ADGRF3: variants seen among roughly 807,000 people sequenced by gnomAD.
ADGRF3 encodes the protein adhesion G protein-coupled receptor F3.
A neutral mutation model predicts 93.2 loss-of-function variants in ADGRF3; 85 were observed. That is an observed-to-expected ratio of 0.91 (90% confidence interval 0.77 to 1.09). The LOEUF (loss-of-function observed/expected upper bound fraction) is 1.09, where lower values mean the gene tolerates loss of function less well. ADGRF3 is among the 50% of genes least tolerant of loss of function. The pLI is 0.00. For missense variants in ADGRF3, 1,125 were observed against 1,246.2 expected, an observed-to-expected ratio of 0.90 and a Z score of 1.46; for synonymous variants, 534 against 532.5, an observed-to-expected ratio of 1.00 and a Z score of -0.04.
chr2:26,311,107 A>T lies in ADGRF3; in HGVS notation c.2417T>A (p.Phe806Tyr), dbSNP rs1186723174. The T allele has an allele frequency of 6.3e-7, 1 of 1,599,572 alleles. No homozygotes were observed. Among genetic ancestry groups the T allele is most frequent in the Non-Finnish European group, 8.5e-7 (1 of 1,173,380 alleles). Residue 806 changes from phenylalanine to tyrosine, a missense_variant, in exon 10 of 14, where the codon TTT becomes TAT. Transcript: ENST00000651242. Reference sequence around the variant, plus strand: ...AACTCGGTGCTTTGCCAGCTGGTGAAAGACAAAGAGCAGCTGGTGGGCCAA... The same window carrying T: ...AACTCGGTGCTTTGCCAGCTGGTGATAGACAAAGAGCAGCTGGTGGGCCAA... ...LVLAHQLLFV[F>Y]HQLAKHRVLP...
chr2:26,314,005 CAG>C (rs563066915), intron 6 of ADGRF3, 102 bp from the exon 7 acceptor site: 282 of 1,429,798 alleles, frequency 2.0e-4, no homozygotes, highest in Non-Finnish European at 2.6e-4. Context: ...AATTCAGAAA[CAG>C]AGGAAGCAGT....
At position 26,311,789 on chromosome 2, in the gene ADGRF3, G is replaced by A. The variant is rs1440629417; in HGVS notation, c.1735C>T (p.Arg579Cys). 4.3e-6 allele frequency: 7 copies of A among 1,613,786 alleles called. No homozygotes were observed. Among genetic ancestry groups the A allele is most frequent in the East Asian group, 2.2e-5 (1 of 44,880 alleles). The change falls in exon 10 of 14, where the codon CGT (arginine) becomes TGT (cysteine). Residue 579 changes from arginine to cysteine, a missense_variant. Physicochemically the swap from Arg to Cys is radical, Grantham distance 180 (BLOSUM62 -3). Coordinates refer to ENST00000651242, the MANE Select transcript of ADGRF3 (RefSeq NM_001321971.2). ...GTAATACTTATTTCAGTTCCATTAC[G>A]GACCAATGGGGCCAGTGAGTGCCTG... ...IPRHSLAPLV[R>C]NGTEISITSL...
chr2:26,334,288 CAA>C (rs34910544), intron 1 of ADGRF3, among the ~76,000 whole-genome samples: 18 of 110,442 alleles, frequency 1.6e-4, no homozygotes, highest in Non-Finnish European at 2.2e-4. Context: ...GCTATCATCT[CAA>C]AAAAAAAAAA....
chr2:26,328,445 G>A (rs960486825), intron 1 of ADGRF3, among the ~76,000 whole-genome samples: 2 of 143,466 alleles, frequency 1.4e-5, no homozygotes, highest in African/African-American at 2.5e-5. Flanking sequence ...CAACTATTAG[G>A]CCTTTTTAGT....
chr2:26,313,636 A>G (rs984251608), intron 7 of ADGRF3, 63 bp from the exon 8 acceptor site: 3 of 1,567,098 alleles, frequency 1.9e-6, no homozygotes, highest in Admixed American at 1.8e-5. Flanking sequence ...CTCCTTGGGC[A>G]GAACCCTATG....
Position 26,311,401 on chromosome 2 carries a change from A to G in ADGRF3, c.2123T>C (p.Val708Ala). The stretch of plus-strand genomic sequence containing the variant: ...CGCCAGTATGGAAGCTCCCAAGCCC[A>G]CTTGAGTCAGCAGCGCCAGAGCGGG... ...EEPALALLTQVGLGASILALL... is the reference protein window; with the variant it reads ...EEPALALLTQAGLGASILALL... The change falls in exon 10 of 14, where the codon GTG (valine) becomes GCG (alanine). Residue 708 changes from valine (V) to alanine (A), a missense_variant. Coordinates refer to ENST00000651242, the MANE Select transcript of ADGRF3 (RefSeq NM_001321971.2). 2 of 1,614,038 alleles carry G rather than the reference A, an allele frequency of 1.2e-6. No homozygotes were observed. The highest frequency in any genetic ancestry group is 1.3e-5 in the African/African-American group (1 of 75,062).
chr2:26,325,923 T>C (rs771585060), intron 1 of ADGRF3, among the ~76,000 whole-genome samples: 4 of 152,124 alleles, frequency 2.6e-5, no homozygotes, highest in Non-Finnish European at 5.9e-5. Flanking sequence ...AGATGACTAA[T>C]GTGAGTATAA....
chr2:26,317,782 C>T (rs904140591), intron 1 of ADGRF3, among the ~76,000 whole-genome samples: 2 of 152,376 alleles, frequency 1.3e-5, no homozygotes, highest in Admixed American at 6.5e-5. Flanking sequence ...GAACCAGGCA[C>T]GCCCTGGGAA....
rs944192345 is a variant in ADGRF3 at position 26,309,011 on chromosome 2, T to C, written c.*75A>G. 2.3e-5 allele frequency: 37 copies of C among 1,607,052 alleles called. No homozygotes were observed. The highest frequency in any genetic ancestry group is 1.2e-4 in the African/African-American group (9 of 74,826). On this transcript the variant is annotated 3_prime_UTR_variant, in exon 14 of 14. Coordinates refer to ENST00000651242, the MANE Select transcript of ADGRF3 (RefSeq NM_001321971.2). ...CGGGAGGCGGGAAGAGTTCAGAGCATTGGGCCAGGGCTCATCTGGTGGGTT... is the reference window on the plus strand; with the variant it reads ...CGGGAGGCGGGAAGAGTTCAGAGCACTGGGCCAGGGCTCATCTGGTGGGTT...
At position 26,313,557 on chromosome 2, in the gene ADGRF3, G is replaced by T; in HGVS notation, c.1089C>A (p.Cys363Ter). The T allele has an allele frequency of 6.2e-7, 1 of 1,606,916 alleles. No homozygotes were observed. The highest frequency in any genetic ancestry group is 1.1e-5 in the South Asian group (1 of 90,356). ...AGGTGAGCACCGAGGCGTCCTCAGG[G>T]CAGGTGATGTCTCCATCTGAAGAAT... ...ITIIQDGDIT[C>*]PEDASVLTWN... Residue 363 changes from cysteine to a stop codon, truncating the protein, a stop_gained, in exon 8 of 14, where the codon TGC (cysteine) becomes TGA (stop). Coordinates refer to ENST00000651242, the MANE Select transcript of ADGRF3 (RefSeq NM_001321971.2). LOFTEE classifies it high-confidence loss of function.
chr2:26,329,585 T>C (rs1275141895), intron 1 of ADGRF3, among the ~76,000 whole-genome samples: 1 of 152,252 alleles, frequency 6.6e-6, no homozygotes, highest in African/African-American at 2.4e-5. Flanking sequence ...CTCTGTAAGA[T>C]TCATTTCACA....
chr2:26,309,971 T>C, intron 12 of ADGRF3, 72 bp downstream of exon 12: 1 of 1,613,992 alleles, frequency 6.2e-7, no homozygotes, highest in Non-Finnish European at 8.5e-7. Flanking sequence ...CCATGTCCTC[T>C]GAGGAGGGCC....
intron 1 of ADGRF3, among the ~76,000 whole-genome samples, chr2:26,343,569 A>T (rs569092973): frequency 3.6e-4 from 54 of 152,104 alleles, no homozygotes; most frequent in African/African-American, 1.2e-3. Flanking sequence ...CCTTCCGAGT[A>T]GCTGGGACTA....
At chr2:26,329,145 T>C (rs1574724437) in intron 1 of ADGRF3, among the ~76,000 whole-genome samples, 2 of 152,330 alleles carry the variant, frequency 1.3e-5, no homozygotes, top group Middle Eastern at 6.8e-3. Flanking sequence ...ATTTATGTAA[T>C]TATTTTTTGA....
chr2:26,328,939 G>C (rs1259097061), intron 1 of ADGRF3, among the ~76,000 whole-genome samples: 1 of 152,174 alleles, frequency 6.6e-6, no homozygotes. Flanking sequence ...ATGTCCATGT[G>C]CAAATCCCTA....
chr2:26,318,248 G>A (rs377049654), intron 1 of ADGRF3: 97 of 615,794 alleles, frequency 1.6e-4, no homozygotes, highest in South Asian at 4.6e-4. Context: ...CTGCGTGTGC[G>A]TGTGGATATC....
chr2:26,310,668 C>A, intron 10 of ADGRF3, 24 bp downstream of exon 10: 1 of 1,594,720 alleles, frequency 6.3e-7, no homozygotes, highest in African/African-American at 1.3e-5. Context: ...AAGCAAAAAA[C>A]ACAGCCACCC....
At position 26,308,987 on chromosome 2, in the gene ADGRF3, G is replaced by A. The variant is rs1299755388; in HGVS notation, c.*99C>T. On this transcript the variant is annotated 3_prime_UTR_variant, in exon 14 of 14. Transcript: ENST00000651242. Reference sequence around the variant, plus strand: ...CTGCCTTTCTCAAGGGCTGAGCTCCGGGAGGCGGGAAGAGTTCAGAGCATT... The same window carrying A: ...CTGCCTTTCTCAAGGGCTGAGCTCCAGGAGGCGGGAAGAGTTCAGAGCATT... 1.6e-5 allele frequency: 25 copies of A among 1,534,222 alleles called. No homozygotes were observed. The Admixed American group carries it at 2.7e-4, about 17-fold the overall frequency.
intron 1 of ADGRF3, chr2:26,319,015 G>T: frequency 6.4e-7 from 1 of 1,551,626 alleles, no homozygotes; most frequent in East Asian, 2.4e-5. Context: ...AAGAGTTGTG[G>T]CCAGGAGCAG....
Sources: gnomAD v4.1 joint callset for allele counts (sites outside exome capture counted in the v4.1 genomes callset) on GRCh38, gnomAD v4.1.1 for gene constraint, MANE v1.5 for transcripts, NCBI Gene and HGNC (gene_info 2026-07-23, HGNC 2026-07-21) for gene names.